The following AIG1 variants were observed in gnomAD, a reference collection of about 807,000 sequenced individuals.
AIG1 encodes androgen-induced gene 1 protein.
In AIG1, 23 loss-of-function variants were observed where a neutral mutation model predicts 31.4. That is an observed-to-expected ratio of 0.73 (90% confidence interval 0.53 to 1.04). The LOEUF (loss-of-function observed/expected upper bound fraction) is 1.04, where lower values mean the gene tolerates loss of function less well. Ranked by LOEUF, AIG1 falls within the 50% of genes least tolerant of loss-of-function variation. The pLI is 0.00. For missense variants in AIG1, 274 were observed against 295.0 expected, an observed-to-expected ratio of 0.93 and a Z score of 0.52; for synonymous variants, 100 against 110.5, an observed-to-expected ratio of 0.90 and a Z score of 0.60.
chr6:143,114,921 T>G (rs1027905728), intron 1 of AIG1, among the ~76,000 whole-genome samples: 1 of 152,148 alleles, frequency 6.6e-6, no homozygotes, highest in Non-Finnish European at 1.5e-5. Flanking sequence ...ATGAGAGGGG[T>G]GACTAAAGTG....
intron 1 of AIG1, among the ~76,000 whole-genome samples, chr6:143,109,665 A>G (rs1267830709): frequency 6.6e-6 from 1 of 151,974 alleles, no homozygotes; most frequent in East Asian, 1.9e-4. Flanking sequence ...CTTACCTGCC[A>G]TTTGAAATTG....
chr6:143,252,620 C>T (rs192046377), intron 3 of AIG1, among the ~76,000 whole-genome samples: 35 of 152,250 alleles, frequency 2.3e-4, no homozygotes, highest in Middle Eastern at 3.4e-3. Flanking sequence ...TGGGCTAACC[C>T]GAACATGTAT....
rs1234671670 is a variant in AIG1, at chr6:143,268,469, G to A, written c.400-15641G>A. ...TGAAGTGCCAACTATGCCCTGGCTA[G>A]TAAGAAAGCCAGTTATATGTCAAGG... On this transcript the variant is annotated intron_variant, in intron 3 of 5. Transcript: ENST00000357847. This position sits in a 1 kb window ranked among gnomAD's most constrained non-coding sequence, Gnocchi z 5.0. 6.6e-6 allele frequency among the ~76,000 whole-genome samples: 1 copy of A among 152,194 alleles called. No individual in the cohort carries two copies. Among genetic ancestry groups the A allele is most frequent in the Admixed American group, 6.5e-5 (1 of 15,278 alleles).
intron 3 of AIG1, among the ~76,000 whole-genome samples, chr6:143,274,660 A>G (rs1464251647): frequency 6.9e-6 from 1 of 145,162 alleles, no homozygotes; most frequent in Non-Finnish European, 1.5e-5. Flanking sequence ...TAGTAGGAAT[A>G]TAGTATTTAT....
intron 3 of AIG1, among the ~76,000 whole-genome samples, chr6:143,204,123 A>G (rs1020464226): frequency 7.9e-5 from 12 of 152,212 alleles, no homozygotes; most frequent in Admixed American, 6.5e-4. Context: ...CTGTTCCAGT[A>G]TCCACTGTTG....
chr6:143,190,572 A>G, intron 3 of AIG1: 1 of 985,424 alleles, frequency 1.0e-6, no homozygotes, highest in Non-Finnish European at 1.2e-6. Flanking sequence ...ATGTGAATAA[A>G]CTATGAAGCA....
chr6:143,153,133 C>T (rs1311378669), intron 2 of AIG1, among the ~76,000 whole-genome samples: 1 of 152,008 alleles, frequency 6.6e-6, no homozygotes, highest in Non-Finnish European at 1.5e-5. Flanking sequence ...GGATTTCCAC[C>T]TCAAAGATGA....
At chr6:143,150,266 G>GT (rs1785091525) in intron 2 of AIG1, among the ~76,000 whole-genome samples, 1 of 152,198 alleles carries the variant, frequency 6.6e-6, no homozygotes, top group South Asian at 2.1e-4. Flanking sequence ...GGCTGTTTGG[G>GT]TAAGTGCCTT....
At chr6:143,187,054 C>A (rs1789326574) in intron 3 of AIG1, among the ~76,000 whole-genome samples, 1 of 152,188 alleles carries the variant, frequency 6.6e-6, no homozygotes, top group Admixed American at 6.5e-5. Context: ...TAATAACTAG[C>A]AAGTTAGTGT....
intron 3 of AIG1, among the ~76,000 whole-genome samples, chr6:143,275,451 C>T (rs1018208351): frequency 9.2e-5 from 14 of 152,168 alleles, no homozygotes; most frequent in African/African-American, 3.1e-4. Context: ...ACGTCTGCTT[C>T]CTGCAGGGCA....
chr6:143,131,002 C>T (rs1440246633), intron 1 of AIG1, among the ~76,000 whole-genome samples: 2 of 152,162 alleles, frequency 1.3e-5, no homozygotes, highest in African/African-American at 4.8e-5. Flanking sequence ...AGTGTAGTTA[C>T]TTCAGCCTTC....
At chr6:143,111,759 AG>A (rs1167749933) in intron 1 of AIG1, among the ~76,000 whole-genome samples, 1 of 152,222 alleles carries the variant, frequency 6.6e-6, no homozygotes, top group Non-Finnish European at 1.5e-5. Flanking sequence ...CTCCTGGGCC[AG>A]CAGCCTGGAA....
rs879881489 is a variant in AIG1, at chr6:143,161,954, T to TA, written c.298-3119dup. On this transcript the variant is annotated intron_variant, in intron 2 of 5. Transcript: ENST00000357847. ...TTGCTGCAGATCACAGGCAGTGCAA[T>TA]AAAAAAAAAGAAGTAAAATGCATAA... 8.0e-5 allele frequency among the ~76,000 whole-genome samples: 12 copies of TA among 150,446 alleles called. No individual in the cohort carries two copies. The South Asian group carries it at 1.0e-3, about 13-fold the overall frequency.
chr6:143,207,513 T>C (rs1030616861), intron 3 of AIG1, among the ~76,000 whole-genome samples: 15 of 81,478 alleles, frequency 1.8e-4, no homozygotes, highest in Non-Finnish European at 3.4e-4. Context: ...CCCGTAACCA[T>C]TACAATACAC....
chr6:143,061,084 C>T lies in AIG1; in HGVS notation c.141+18C>T, dbSNP rs763671465. The T allele has an allele frequency of 3.1e-6, 5 of 1,610,936 alleles. No individual in the cohort carries two copies. In the Admixed American group the frequency reaches 6.7e-5, roughly 22 times the overall value. ...TTGATCTGGTAAGGCCGTCCCCTCC[C>T]CCTGCTCGCCCCGCACCCCGTGCCT... On this transcript the variant is annotated intron_variant, in intron 1 of 5. Coordinates refer to ENST00000357847, the MANE Select transcript of AIG1 (RefSeq NM_016108.4).
rs1001713742 is a variant in AIG1, at chr6:143,331,782, C to T, written c.516-1500C>T. Among the ~76,000 whole-genome samples, 1 of 151,434 alleles carries T rather than the reference C, an allele frequency of 6.6e-6. No individual in the cohort carries two copies. Among genetic ancestry groups the T allele is most frequent in the Non-Finnish European group, 1.5e-5 (1 of 67,920 alleles). ...GGGGGGATCTCACCCTCATTGATAA[C>T]GCAGGTTCTCAGGTATAGATCCCCA... On this transcript the variant is annotated intron_variant, in intron 4 of 5. Coordinates refer to ENST00000357847, the MANE Select transcript of AIG1 (RefSeq NM_016108.4). The surrounding 1 kb of genome is among the most constrained non-coding windows in gnomAD (Gnocchi z 4.1).
chr6:143,137,683 C>A (rs1783884324), intron 2 of AIG1, among the ~76,000 whole-genome samples: 1 of 152,318 alleles, frequency 6.6e-6, no homozygotes, highest in African/African-American at 2.4e-5. Flanking sequence ...CTTCATAACT[C>A]AACTTCCTTC....
At chr6:143,095,334 A>G (rs1281197699) in intron 1 of AIG1, among the ~76,000 whole-genome samples, 5 of 152,210 alleles carry the variant, frequency 3.3e-5, no homozygotes, top group Admixed American at 6.5e-5. Flanking sequence ...AAATTAAAAG[A>G]CTACTGTATG....
intron 5 of AIG1, among the ~76,000 whole-genome samples, chr6:143,335,806 T>G (rs762031381): frequency 6.6e-6 from 1 of 151,558 alleles, no homozygotes; most frequent in Non-Finnish European, 1.5e-5. Context: ...CATACAAAAA[T>G]GAGCCGGGCG....
Sources: allele counts gnomAD v4.1 joint callset (sites outside exome capture counted in the v4.1 genomes callset), GRCh38; gene constraint gnomAD v4.1.1; non-coding constraint Gnocchi (gnomAD v3.1); transcripts MANE v1.5; gene names NCBI Gene and HGNC (gene_info 2026-07-23, HGNC 2026-07-21).